The following ROBO2 variants were observed in gnomAD, a reference collection of about 807,000 sequenced individuals.
ROBO2 encodes roundabout homolog 2.
ROBO2 carries 53 observed loss-of-function variants against 160.8 expected under a neutral mutation model. The ratio of observed to expected loss-of-function variants is 0.33; its 90% CI spans 0.26 to 0.41. The LOEUF is 0.41. Ranked by LOEUF, ROBO2 falls within the 10% of genes least tolerant of loss-of-function variation. The probability of loss-of-function intolerance (pLI) is 1.00; values close to 1 mark genes in which losing one functional copy is unlikely to be tolerated. For synonymous variants in ROBO2, 664 were observed against 611.7 expected (o/e 1.09, Z -1.26); for missense variants, 1,577 against 1,722.4 (o/e 0.92, Z 1.49).
At chr3:77,564,889 T>C in intron 11 of ROBO2, 65 bp from the exon 13 acceptor site, 1 of 1,459,626 alleles carries the variant, frequency 6.9e-7, no homozygotes, top group Non-Finnish European at 9.5e-7. Flanking sequence ...TTGTCATTGA[T>C]ACCCAACTCC....
intron 2 of ROBO2, among the ~76,000 whole-genome samples, chr3:76,743,463 A>T (rs1375962): frequency 0.17 from 26,546 of 151,784 alleles, 2,540 homozygotes; most frequent in Non-Finnish European, 0.22. Flanking sequence ...ACTTTTTTTT[A>T]AAAAAAGAGT....
At chr3:76,402,781 T>C (rs1394377494) in intron 2 of ROBO2, among the ~76,000 whole-genome samples, 1 of 151,620 alleles carries the variant, frequency 6.6e-6, no homozygotes, top group Non-Finnish European at 1.5e-5. Flanking sequence ...TCCTCTCAAT[T>C]TGAATTTCTC....
At chr3:76,801,587 T>A (rs1036965098) in intron 2 of ROBO2, among the ~76,000 whole-genome samples, 7 of 151,898 alleles carry the variant, frequency 4.6e-5, no homozygotes, top group Non-Finnish European at 1.0e-4. Context: ...AGTTTTTTTT[T>A]TAAAAAAAGA....
At chr3:76,400,773 TATC>T (rs1412286286) in intron 2 of ROBO2, among the ~76,000 whole-genome samples, 4 of 151,596 alleles carry the variant, frequency 2.6e-5, no homozygotes, top group African/African-American at 4.8e-5. Flanking sequence ...TATTTGTACT[TATC>T]ATCATTAGAA....
At chr3:76,637,081 G>A (rs2090383494) in intron 2 of ROBO2, among the ~76,000 whole-genome samples, 2 of 151,986 alleles carry the variant, frequency 1.3e-5, no homozygotes, top group South Asian at 2.1e-4. Context: ...ATAAATGGGG[G>A]GCCTTAGGGT....
chr3:76,997,838 T>G (rs2061107746), intron 2 of ROBO2, among the ~76,000 whole-genome samples: 1 of 152,168 alleles, frequency 6.6e-6, no homozygotes, highest in South Asian at 2.1e-4. Context: ...CTTGCTGTTG[T>G]ATTGCAGCAG....
chr3:76,982,674 C>G (rs191522943), intron 2 of ROBO2, among the ~76,000 whole-genome samples: 1 of 151,938 alleles, frequency 6.6e-6, no homozygotes, highest in Non-Finnish European at 1.5e-5. Flanking sequence ...TTATGGGGCA[C>G]GGTTGTATCT....
chr3:76,334,028 A>G (rs1219940026), intron 2 of ROBO2, among the ~76,000 whole-genome samples: 2 of 152,152 alleles, frequency 1.3e-5, no homozygotes, highest in Non-Finnish European at 2.9e-5. Flanking sequence ...GCATTAGGAG[A>G]TATACCTAAT....
At chr3:76,919,062 T>C (rs1485295152) in intron 2 of ROBO2, among the ~76,000 whole-genome samples, 6 of 152,154 alleles carry the variant, frequency 3.9e-5, no homozygotes. Flanking sequence ...TTGTAAATTC[T>C]GGATATTAGA....
chr3:77,112,780 T>A (rs2073794324), intron 2 of ROBO2, among the ~76,000 whole-genome samples: 1 of 152,210 alleles, frequency 6.6e-6, no homozygotes, highest in Admixed American at 6.5e-5. Flanking sequence ...ATGCTATATG[T>A]GTTCTTTCCT....
chr3:76,176,082 T>A (rs997567185), intron 2 of ROBO2, among the ~76,000 whole-genome samples: 1 of 152,132 alleles, frequency 6.6e-6, no homozygotes, highest in Non-Finnish European at 1.5e-5. Context: ...CCATGTGTCC[T>A]TTGGGACACA....
intron 2 of ROBO2, among the ~76,000 whole-genome samples, chr3:77,191,875 G>T (rs897169436): frequency 6.6e-6 from 1 of 152,104 alleles, no homozygotes; most frequent in Admixed American, 6.6e-5. Context: ...ACGTTGACAT[G>T]TCAAAGACTT....
At chr3:76,961,808 T>A (rs984410923) in intron 2 of ROBO2, among the ~76,000 whole-genome samples, 4 of 152,194 alleles carry the variant, frequency 2.6e-5, no homozygotes, top group Non-Finnish European at 5.9e-5. Flanking sequence ...GTCCTTTTTT[T>A]ATTGGTATTA....
intron 12 of ROBO2, among the ~76,000 whole-genome samples, chr3:77,566,129 G>A (rs992064176): frequency 6.6e-6 from 1 of 152,046 alleles, no homozygotes; most frequent in African/African-American, 2.4e-5. Context: ...TAATTACAAT[G>A]TAGTTCGGTG....
intron 24 of ROBO2, among the ~76,000 whole-genome samples, chr3:77,643,434 C>A (rs2095375407): frequency 6.6e-6 from 1 of 152,134 alleles, no homozygotes; most frequent in Non-Finnish European, 1.5e-5. Context: ...TGGGCTTGCA[C>A]TTTCTCCAAC....
At chr3:77,414,697 A>G (rs1345057861) in intron 2 of ROBO2, among the ~76,000 whole-genome samples, 1 of 152,210 alleles carries the variant, frequency 6.6e-6, no homozygotes, top group African/African-American at 2.4e-5. Flanking sequence ...AGATAAGCCC[A>G]GATATTTGGT....
intron 2 of ROBO2, among the ~76,000 whole-genome samples, chr3:77,192,182 T>C (rs2081914636): frequency 6.6e-6 from 1 of 152,224 alleles, no homozygotes. Flanking sequence ...AAATTTTAAA[T>C]GTCAATATAT....
chr3:76,103,039 G>C (rs986234060), intron 2 of ROBO2, among the ~76,000 whole-genome samples: 1 of 152,038 alleles, frequency 6.6e-6, no homozygotes. Context: ...TAGCCAGGAT[G>C]GTCTCAATCT....
intron 2 of ROBO2, among the ~76,000 whole-genome samples, chr3:76,713,962 T>TA (rs34540306): frequency 0.39 from 57,277 of 147,948 alleles, 11,639 homozygotes; most frequent in Non-Finnish European, 0.47. Flanking sequence ...ATTTTAAAAG[T>TA]AAAAAAAAAA....
Sources: gnomAD v4.1 joint callset for allele counts (sites outside exome capture counted in the v4.1 genomes callset) on GRCh38, gnomAD v4.1.1 for gene constraint, MANE v1.5 for transcripts, NCBI Gene and HGNC (gene_info 2026-07-23, HGNC 2026-07-21) for gene names.